Variants in CNTN4 observed in about 807,000 individuals in gnomAD.
CNTN4 encodes contactin 4.
In CNTN4, 77 loss-of-function variants were observed where a neutral mutation model predicts 122.5. The observed-to-expected ratio is 0.63, with a 90% CI of 0.52 to 0.76. The LOEUF is 0.76. Among genes scored for constraint, CNTN4 ranks in the 30% least tolerant of loss-of-function variants. The pLI, the probability that CNTN4 is intolerant of heterozygous loss-of-function variation, is 0.00. For missense variants in CNTN4, 1,256 were observed against 1,259.1 expected, an observed-to-expected ratio of 1.00 and a Z score of 0.04; for synonymous variants, 512 against 447.0, an observed-to-expected ratio of 1.15 and a Z score of -1.83.
At chr3:2,491,052 C>T (rs1204787788) in intron 3 of CNTN4, among the ~76,000 whole-genome samples, 2 of 152,102 alleles carry the variant, frequency 1.3e-5, no homozygotes, top group Admixed American at 1.3e-4. Context: ...GTAGAATCTT[C>T]TACATGAAAG....
rs138473855 is a variant in CNTN4 at position 2,583,184 on chromosome 3, G to A, written c.55+11626G>A. On this transcript the variant is annotated intron_variant, in intron 4 of 24. Transcript: ENST00000418658. ...GGATAAACTTGAGCTAGAGAAGAAA[G>A]CTTTGCTCTACTCTTTTCTAAGGAG... Among the ~76,000 whole-genome samples the A allele has an allele frequency of 2.2e-3, 339 of 152,298 alleles. 3 individuals carry two copies. The highest frequency in any genetic ancestry group is 7.7e-3 in the African/African-American group (322 of 41,572).
intron 2 of CNTN4, among the ~76,000 whole-genome samples, chr3:2,121,475 T>C (rs1054664164): frequency 2.1e-5 from 3 of 140,850 alleles, no homozygotes; most frequent in East Asian, 4.1e-4. Flanking sequence ...CCAGCCTGGG[T>C]GACAGAGTGA....
In CNTN4 at chr3:2,385,902, A is replaced by G. The variant is rs952472866; in HGVS notation, c.-89+46669A>G. ...ATTCAACCCATAACAATGTTCCATC[A>G]ATATTTGATAAATGAATGAATACAT... On this transcript the variant is annotated intron_variant, in intron 3 of 24. Transcript: ENST00000418658. This position sits in a 1 kb window ranked among gnomAD's most constrained non-coding sequence, Gnocchi z 4.0. Among the ~76,000 whole-genome samples, 4 of 152,084 alleles carry G rather than the reference A, an allele frequency of 2.6e-5. No homozygotes were observed. The highest frequency in any genetic ancestry group is 5.9e-5 in the Non-Finnish European group (4 of 68,020).
At chr3:2,629,074 A>C (rs115244650) in intron 4 of CNTN4, among the ~76,000 whole-genome samples, 2 of 152,210 alleles carry the variant, frequency 1.3e-5, no homozygotes, top group Non-Finnish European at 2.9e-5. Flanking sequence ...CTTATGTTAC[A>C]GACTGAATGT....
At chr3:2,188,802 G>A (rs938104310) in intron 2 of CNTN4, among the ~76,000 whole-genome samples, 1 of 152,158 alleles carries the variant, frequency 6.6e-6, no homozygotes, top group African/African-American at 2.4e-5. Flanking sequence ...TATTTGGATG[G>A]CAATGGGCTT....
intron 4 of CNTN4, among the ~76,000 whole-genome samples, chr3:2,719,460 G>A (rs1576560443): frequency 6.6e-6 from 1 of 152,202 alleles, no homozygotes; most frequent in African/African-American, 2.4e-5. Context: ...ATGCCCAGCT[G>A]ATTTTTTAGC....
intron 13 of CNTN4, among the ~76,000 whole-genome samples, chr3:2,949,560 CCTT>C (rs1285929285): frequency 4.6e-5 from 7 of 152,162 alleles, no homozygotes; most frequent in African/African-American, 7.2e-5. Context: ...CAGACCCTCT[CCTT>C]CTTTCAAGAA....
intron 4 of CNTN4, among the ~76,000 whole-genome samples, chr3:2,590,987 G>T (rs990718582): frequency 6.6e-6 from 1 of 152,038 alleles, no homozygotes; most frequent in Non-Finnish European, 1.5e-5. Flanking sequence ...ATCAATATTC[G>T]AAATAATGCA....
intron 3 of CNTN4, among the ~76,000 whole-genome samples, chr3:2,510,694 G>T (rs2076861915): frequency 1.3e-5 from 2 of 152,106 alleles, no homozygotes; most frequent in South Asian, 2.1e-4. Flanking sequence ...AGCGTGTGTG[G>T]CAAGGTTTTG....
intron 2 of CNTN4, among the ~76,000 whole-genome samples, chr3:2,263,414 A>G (rs973285108): frequency 2.0e-5 from 3 of 152,124 alleles, no homozygotes; most frequent in African/African-American, 4.8e-5. Flanking sequence ...GCACCCAACC[A>G]TTGTTTATTC....
At chr3:2,233,394 T>G (rs2039562982) in intron 2 of CNTN4, among the ~76,000 whole-genome samples, 1 of 152,270 alleles carries the variant, frequency 6.6e-6, no homozygotes, top group African/African-American at 2.4e-5. Context: ...TCAAGAAGCC[T>G]TTGCCTGTTT....
At chr3:2,391,924 A>T (rs1281163895) in intron 3 of CNTN4, among the ~76,000 whole-genome samples, 1 of 152,184 alleles carries the variant, frequency 6.6e-6, no homozygotes, top group Non-Finnish European at 1.5e-5. Context: ...CTACTCTTTA[A>T]ATGGGGCAAA....
intron 3 of CNTN4, among the ~76,000 whole-genome samples, chr3:2,527,212 C>T (rs2077428856): frequency 6.6e-6 from 1 of 152,160 alleles, no homozygotes; most frequent in Non-Finnish European, 1.5e-5. Flanking sequence ...ATTACATGTC[C>T]TCTGGCACTG....
intron 6 of CNTN4, among the ~76,000 whole-genome samples, chr3:2,784,336 A>G (rs951950321): frequency 2.6e-5 from 4 of 152,104 alleles, no homozygotes; most frequent in Admixed American, 2.6e-4. Context: ...CAAACACAAC[A>G]CATTTTGGGC....
chr3:2,526,724 T>A (rs2149197593), intron 3 of CNTN4, among the ~76,000 whole-genome samples: 1 of 152,248 alleles, frequency 6.6e-6, no homozygotes, highest in Non-Finnish European at 1.5e-5. Context: ...GATATAAAAA[T>A]ATCTTCCCTG....
chr3:2,157,305 G>T (rs2149155497), intron 2 of CNTN4, among the ~76,000 whole-genome samples: 1 of 152,302 alleles, frequency 6.6e-6, no homozygotes, highest in African/African-American at 2.4e-5. Context: ...TATGCGATAT[G>T]AAAGTAGAGG....
intron 16 of CNTN4, among the ~76,000 whole-genome samples, chr3:3,034,378 T>G (rs1485615278): frequency 6.6e-6 from 1 of 152,198 alleles, no homozygotes; most frequent in African/African-American, 2.4e-5. Context: ...GTTGTAATTA[T>G]TTGTTTACCT....
chr3:3,040,508 C>T lies in CNTN4; in HGVS notation c.2398+237C>T, dbSNP rs1400570887. On this transcript the variant is annotated intron_variant, in intron 20 of 24. Coordinates refer to ENST00000418658, the MANE Select transcript of CNTN4 (RefSeq NM_175607.3). ...CCATTATTGATTCCATTGCTAAGGA[C>T]CAGAATTGCAAATACCATATAAGAT... 3 of 551,620 alleles carry T rather than the reference C, an allele frequency of 5.4e-6. No individual in the cohort carries two copies. The East Asian group carries it at 9.5e-5, about 17-fold the overall frequency. The allele number at this position is 551,620 out of a possible 1,614,324, so 34.2% of individuals were successfully genotyped here. A position where few individuals can be genotyped will look rare whatever the true frequency, so the allele number is the denominator to read the frequency against.
chr3:2,970,330 C>T lies in CNTN4; in HGVS notation c.1359-18015C>T, dbSNP rs142869835. On this transcript the variant is annotated intron_variant, in intron 13 of 24. Transcript: ENST00000418658. ...CAAGCTAGTCTCAAACTCCTAGGAT[C>T]GAGTGATCTTACTGCCTCAGCTTCC... Among the ~76,000 whole-genome samples the T allele has an allele frequency of 3.2e-3, 490 of 152,230 alleles. 6 individuals are homozygous for T. The highest frequency in any genetic ancestry group is 2.9e-3 in the Non-Finnish European group (194 of 68,020).
Sources: gnomAD v4.1 joint callset for allele counts (sites outside exome capture counted in the v4.1 genomes callset) on GRCh38, gnomAD v4.1.1 for gene constraint, Gnocchi (gnomAD v3.1) non-coding constraint, MANE v1.5 for transcripts, NCBI Gene and HGNC (gene_info 2026-07-23, HGNC 2026-07-21) for gene names.